The following PTPRN2 variants were observed in gnomAD, a reference collection of about 807,000 sequenced individuals.
PTPRN2 encodes receptor-type tyrosine-protein phosphatase N2.
A neutral mutation model predicts 118.8 loss-of-function variants in PTPRN2; 74 were observed. That is an observed-to-expected ratio of 0.62 (90% CI 0.52 to 0.76). The LOEUF is 0.76. Ranked by LOEUF, PTPRN2 falls within the 30% of genes least tolerant of loss-of-function variation. PTPRN2 has a pLI of 0.00. For synonymous variants in PTPRN2, 641 were observed against 608.0 expected (o/e 1.05, Z -0.80); for missense variants, 1,481 against 1,394.4 (o/e 1.06, Z -0.99).
chr7:158,414,190 C>G (rs960237283), intron 2 of PTPRN2, among the ~76,000 whole-genome samples: 1 of 151,756 alleles, frequency 6.6e-6, no homozygotes, highest in African/African-American at 2.4e-5. Flanking sequence ...CGTAGGGAAT[C>G]AGGTGCTCAA....
Position 157,974,885 on chromosome 7 carries a change from T to C in PTPRN2, c.1724-76148A>G, listed in dbSNP as rs1192592279. 6.6e-6 allele frequency among the ~76,000 whole-genome samples: 1 copy of C among 152,008 alleles called. No individual in the cohort carries two copies. The highest frequency in any genetic ancestry group is 1.5e-5 in the Non-Finnish European group (1 of 67,972). On this transcript the variant is annotated intron_variant, in intron 11 of 22. Coordinates refer to ENST00000389418, the MANE Select transcript of PTPRN2 (RefSeq NM_002847.5). The surrounding 1 kb of genome is among the most constrained non-coding windows in gnomAD (Gnocchi z 4.0). ...GGTGCCCACGTCCATCCCCAGCCCC[T>C]CAGGCATGTTCACCATCATGGCGCA...
At chr7:157,637,647 C>T (rs1804401310) in intron 14 of PTPRN2, among the ~76,000 whole-genome samples, 1 of 152,188 alleles carries the variant, frequency 6.6e-6, no homozygotes, top group Non-Finnish European at 1.5e-5. Context: ...AGAGACCAGA[C>T]TCCTTTGCTG....
intron 2 of PTPRN2, among the ~76,000 whole-genome samples, chr7:158,331,759 A>T (rs1470386337): frequency 4.0e-5 from 6 of 150,082 alleles, no homozygotes; most frequent in Middle Eastern, 3.4e-3. Context: ...ACTCAAACTC[A>T]CACTCTCACC....
At chr7:157,769,625 C>A (rs1802681246) in intron 12 of PTPRN2, among the ~76,000 whole-genome samples, 1 of 152,198 alleles carries the variant, frequency 6.6e-6, no homozygotes, top group African/African-American at 2.4e-5. Context: ...ACGCCACGGG[C>A]TCCCTTGGTC....
intron 2 of PTPRN2, among the ~76,000 whole-genome samples, chr7:158,327,084 C>A (rs1211623240): frequency 6.6e-6 from 1 of 151,464 alleles, no homozygotes; most frequent in Non-Finnish European, 1.5e-5. Context: ...CACATTCTCA[C>A]ATGCACTCAT....
chr7:157,924,108 G>A (rs1798837176), intron 11 of PTPRN2, among the ~76,000 whole-genome samples: 1 of 152,138 alleles, frequency 6.6e-6, no homozygotes. Flanking sequence ...AGGGGGCCCG[G>A]TCCTGAGTGT....
intron 3 of PTPRN2, among the ~76,000 whole-genome samples, chr7:158,268,228 G>T (rs1415302562): frequency 6.6e-6 from 1 of 151,820 alleles, no homozygotes; most frequent in African/African-American, 2.4e-5. Flanking sequence ...ACAGAGCGGG[G>T]TGTGAGATAT....
chr7:157,961,525 T>C (rs1279485437), intron 11 of PTPRN2, among the ~76,000 whole-genome samples: 3 of 138,448 alleles, frequency 2.2e-5, no homozygotes, highest in Non-Finnish European at 3.3e-5. Context: ...AGAGACAGAC[T>C]CTGTCTCAAA....
rs1376650638 is a variant in PTPRN2, at chr7:158,509,069, A to G, written c.113-19284T>C. Among the ~76,000 whole-genome samples the G allele has an allele frequency of 6.6e-6, 1 of 151,988 alleles. No individual in the cohort carries two copies. The highest frequency in any genetic ancestry group is 2.4e-5 in the African/African-American group (1 of 41,374). The stretch of plus-strand genomic sequence containing the variant: ...GGGTGGAGGTGGGTGGTTTCTAAAG[A>G]TAAGAAGGGGAGGAAGAAGATGGGG... On this transcript the variant is annotated intron_variant, in intron 1 of 22. Transcript: ENST00000389418. This position sits in a 1 kb window ranked among gnomAD's most constrained non-coding sequence, Gnocchi z 4.4.
At chr7:158,210,590 A>G (rs1827523181) in intron 3 of PTPRN2, among the ~76,000 whole-genome samples, 1 of 151,660 alleles carries the variant, frequency 6.6e-6, no homozygotes, top group African/African-American at 2.4e-5. Context: ...TAAGAAAAAA[A>G]GAGAAAAGAC....
At chr7:157,884,796 C>T (rs1796360321) in intron 12 of PTPRN2, among the ~76,000 whole-genome samples, 1 of 152,212 alleles carries the variant, frequency 6.6e-6, no homozygotes, top group Admixed American at 6.5e-5. Flanking sequence ...TGACCTCCCA[C>T]CAGTTCCCTC....
At chr7:157,698,895 TTGAA>T (rs1797937124) in intron 12 of PTPRN2, among the ~76,000 whole-genome samples, 1 of 152,224 alleles carries the variant, frequency 6.6e-6, no homozygotes, top group African/African-American at 2.4e-5. Flanking sequence ...ATTCCTTAGA[TTGAA>T]TGTTTGTAAG....
intron 9 of PTPRN2, among the ~76,000 whole-genome samples, chr7:158,130,845 TC>T (rs1171445170): frequency 7.3e-6 from 1 of 137,550 alleles, no homozygotes; most frequent in African/African-American, 2.8e-5. Context: ...TACACACACA[TC>T]TACCCAACAC....
At chr7:158,078,363 T>C (rs1812540144) in intron 11 of PTPRN2, among the ~76,000 whole-genome samples, 1 of 152,146 alleles carries the variant, frequency 6.6e-6, no homozygotes. Flanking sequence ...CACCCAGCAC[T>C]CCCAGTAATT....
At chr7:158,247,618 T>C (rs1268211946) in intron 3 of PTPRN2, among the ~76,000 whole-genome samples, 1 of 103,652 alleles carries the variant, frequency 9.6e-6, no homozygotes, top group Non-Finnish European at 1.9e-5. Flanking sequence ...TGCGGTTTTT[T>C]TGTTTGTTTG....
intron 11 of PTPRN2, among the ~76,000 whole-genome samples, chr7:157,943,978 A>G (rs1800305906): frequency 6.6e-6 from 1 of 152,196 alleles, no homozygotes; most frequent in Non-Finnish European, 1.5e-5. Flanking sequence ...AAATCCATTC[A>G]GACAATCTTG....
intron 11 of PTPRN2, among the ~76,000 whole-genome samples, chr7:158,073,891 G>C (rs1431598395): frequency 6.6e-6 from 1 of 152,182 alleles, no homozygotes; most frequent in African/African-American, 2.4e-5. Context: ...CAAAACCTGA[G>C]GCCTCGTCCC....
At chr7:157,734,489 G>A (rs1381660757) in intron 12 of PTPRN2, among the ~76,000 whole-genome samples, 1 of 152,190 alleles carries the variant, frequency 6.6e-6, no homozygotes, top group African/African-American at 2.4e-5. Flanking sequence ...TACCTTTAAG[G>A]TAAATTTCAG....
rs546987767 is a variant in PTPRN2 at position 158,152,339 on chromosome 7, G to A, written c.911-13824C>T. ...AGGTGAAGTTTCAGCAGAGGCCTGA[G>A]GGAGGTGAGCATGGGCCTAGTGGGG... On this transcript the variant is annotated intron_variant, in intron 6 of 22. Coordinates refer to ENST00000389418, the MANE Select transcript of PTPRN2 (RefSeq NM_002847.5). 2.0e-4 allele frequency among the ~76,000 whole-genome samples: 30 copies of A among 152,328 alleles called. No individual in the cohort carries two copies. The Middle Eastern group carries it at 0.014, about 69-fold the overall frequency.
Sources: gnomAD v4.1 joint callset for allele counts (sites outside exome capture counted in the v4.1 genomes callset) on GRCh38, gnomAD v4.1.1 for gene constraint, Gnocchi (gnomAD v3.1) non-coding constraint, MANE v1.5 for transcripts, NCBI Gene and HGNC (gene_info 2026-07-23, HGNC 2026-07-21) for gene names.